Variants in IL1RAPL1 observed in about 807,000 individuals in gnomAD.
IL1RAPL1 encodes the protein interleukin 1 receptor accessory protein like 1, also known as interleukin-1 receptor accessory protein-like 1.
A neutral mutation model predicts 48.4 loss-of-function variants in IL1RAPL1; 3 were observed. The ratio of observed to expected loss-of-function variants is 0.06; its 90% CI spans 0.03 to 0.16. The LOEUF (loss-of-function observed/expected upper bound fraction) is 0.16, where lower values mean the gene tolerates loss of function less well. Among genes scored for constraint, IL1RAPL1 ranks in the 10% least tolerant of loss-of-function variants. The pLI is 1.00. For missense variants in IL1RAPL1, 349 were observed against 530.6 expected (o/e 0.66, Z 3.36); for synonymous variants, 185 against 187.7 (o/e 0.99, Z 0.12).
chrX:28,779,763 C>T (rs1018079661), intron 1 of IL1RAPL1, among the ~76,000 whole-genome samples: 1 of 101,082 alleles, frequency 9.9e-6, no homozygotes, highest in Non-Finnish European at 2.0e-5. Context: ...AATACTTTAT[C>T]TTAAAGCATT....
At chrX:29,751,148 G>A (rs1381784497) in intron 6 of IL1RAPL1, among the ~76,000 whole-genome samples, 1 of 111,121 alleles carries the variant, frequency 9.0e-6, no homozygotes. Context: ...ACATGAATAT[G>A]TGGATTATAT....
chrX:29,024,582 GA>G (rs1171932206), intron 2 of IL1RAPL1, among the ~76,000 whole-genome samples: 1 of 111,752 alleles, frequency 8.9e-6, no homozygotes, highest in East Asian at 2.8e-4. Context: ...TAAAGTAATT[GA>G]AAAAAGGTCT....
chrX:28,850,574 C>T (rs745361437), intron 2 of IL1RAPL1, among the ~76,000 whole-genome samples: 66 of 111,160 alleles, frequency 5.9e-4, no homozygotes, highest in Non-Finnish European at 1.2e-3. Flanking sequence ...AGACCCACAT[C>T]GAGGTGAGAT....
Position 29,194,724 on chromosome X carries a change from G to A in IL1RAPL1, c.83-88214G>A, listed in dbSNP as rs1355289354. Among the ~76,000 whole-genome samples, 3 of 111,958 alleles carry A rather than the reference G, an allele frequency of 2.7e-5. No homozygotes were observed. The East Asian group carries it at 8.3e-4, about 31-fold the overall frequency. ...AATGGTAATTATATTTATTAATAGA[G>A]CCCACAAATGTAGTATTAGCATCAT... On this transcript the variant is annotated intron_variant, in intron 2 of 10. Coordinates refer to ENST00000378993, the MANE Select transcript of IL1RAPL1 (RefSeq NM_014271.4).
Position 29,184,152 on chromosome X carries a change from A to G in IL1RAPL1, c.83-98786A>G, listed in dbSNP as rs1398878783. Among the ~76,000 whole-genome samples the G allele has an allele frequency of 8.0e-5, 9 of 111,899 alleles. No individual in the cohort carries two copies. In the Admixed American group the frequency reaches 8.6e-4, roughly 11 times the overall value. On this transcript the variant is annotated intron_variant, in intron 2 of 10. Transcript: ENST00000378993. The stretch of plus-strand genomic sequence containing the variant: ...TATTATAAAATATACACATATTTCT[A>G]TTATAAAATATACACCGTCATCCTG...
chrX:29,107,971 A>G (rs1383331647), intron 2 of IL1RAPL1, among the ~76,000 whole-genome samples: 7 of 111,564 alleles, frequency 6.3e-5, no homozygotes, highest in Non-Finnish European at 1.3e-4. Context: ...AGGTGCATGT[A>G]TGATAGGTGG....
intron 3 of IL1RAPL1, among the ~76,000 whole-genome samples, chrX:29,354,193 C>A (rs1226496331): frequency 9.1e-6 from 1 of 110,174 alleles, no homozygotes; most frequent in African/African-American, 3.3e-5. Flanking sequence ...TCCAGTATAC[C>A]GATACAGATG....
At chrX:28,840,255 C>T (rs181194182) in intron 2 of IL1RAPL1, among the ~76,000 whole-genome samples, 6 of 110,837 alleles carry the variant, frequency 5.4e-5, no homozygotes, top group Admixed American at 9.6e-5. Flanking sequence ...TTCGTATAAC[C>T]GTAGTACATG....
chrX:29,938,415 C>T (rs1327552077), intron 8 of IL1RAPL1, among the ~76,000 whole-genome samples: 1 of 111,171 alleles, frequency 9.0e-6, no homozygotes, highest in Non-Finnish European at 1.9e-5. Flanking sequence ...CTGTGTAGTG[C>T]CTCCAGATAT....
chrX:29,642,597 A>C (rs1355681889), intron 5 of IL1RAPL1, among the ~76,000 whole-genome samples: 1 of 112,569 alleles, frequency 8.9e-6, no homozygotes, highest in African/African-American at 3.2e-5. Flanking sequence ...ATTGGATATC[A>C]ACTAAGGCAT....
intron 5 of IL1RAPL1, among the ~76,000 whole-genome samples, chrX:29,458,476 GCA>G (rs1393226125): frequency 1.8e-5 from 2 of 110,536 alleles, no homozygotes; most frequent in South Asian, 3.9e-4. Flanking sequence ...CAGTCAAGTT[GCA>G]CACACACACT....
At chrX:29,563,498 T>C (rs1212403895) in intron 5 of IL1RAPL1, among the ~76,000 whole-genome samples, 1 of 112,551 alleles carries the variant, frequency 8.9e-6, no homozygotes, top group Non-Finnish European at 1.9e-5. Context: ...ACCATTTACA[T>C]GTTTTTCAAA....
intron 2 of IL1RAPL1, among the ~76,000 whole-genome samples, chrX:28,820,009 TATATAC>T (rs1299439928): frequency 1.4e-4 from 11 of 80,332 alleles, no homozygotes; most frequent in Admixed American, 2.9e-4. Context: ...TATATATATA[TATATAC>T]ATGTACTGTA....
chrX:28,966,956 T>G (rs1416651380), intron 2 of IL1RAPL1, among the ~76,000 whole-genome samples: 2 of 111,960 alleles, frequency 1.8e-5, no homozygotes, highest in African/African-American at 6.5e-5. Context: ...GCCAACTCAA[T>G]TAGGACTGGT....
At chrX:29,634,239 A>G (rs969334703) in intron 5 of IL1RAPL1, among the ~76,000 whole-genome samples, 8 of 111,958 alleles carry the variant, frequency 7.1e-5, no homozygotes, top group Admixed American at 4.8e-4. Context: ...CTGGGGCTTA[A>G]CATAGTAAAT....
chrX:29,837,272 A>AAAAAAAATATATATATAT (rs1447926305), intron 6 of IL1RAPL1, among the ~76,000 whole-genome samples: 2 of 72,112 alleles, frequency 2.8e-5, no homozygotes, highest in African/African-American at 1.2e-4. Flanking sequence ...AAAAAAAAAA[A>AAAAAAAATATATATATAT]ATATATATAT....
chrX:28,984,399 G>T (rs1404779448), intron 2 of IL1RAPL1, among the ~76,000 whole-genome samples: 1 of 111,379 alleles, frequency 9.0e-6, no homozygotes, highest in Non-Finnish European at 1.9e-5. Flanking sequence ...ACACTACAAA[G>T]CAACACAAAT....
chrX:28,698,315 C>A (rs1935258019), intron 1 of IL1RAPL1, among the ~76,000 whole-genome samples: 1 of 111,229 alleles, frequency 9.0e-6, no homozygotes, highest in African/African-American at 3.3e-5. Flanking sequence ...GGCACCATGA[C>A]ATTTTGCAGG....
At chrX:29,759,426 T>TC (rs1928702560) in intron 6 of IL1RAPL1, among the ~76,000 whole-genome samples, 1 of 99,200 alleles carries the variant, frequency 1.0e-5, no homozygotes, top group Non-Finnish European at 2.1e-5. Flanking sequence ...GTACCATAGT[T>TC]CTTTTTTTTG....
Sources: gnomAD v4.1 joint callset for allele counts (sites outside exome capture counted in the v4.1 genomes callset) on GRCh38, gnomAD v4.1.1 for gene constraint, MANE v1.5 for transcripts, NCBI Gene and HGNC (gene_info 2026-07-23, HGNC 2026-07-21) for gene names.